Variants in GJC1 observed in about 807,000 individuals in gnomAD.
GJC1 encodes the protein gap junction protein gamma 1, also known as gap junction gamma-1 protein.
Under a neutral mutation model 29.3 loss-of-function variants are expected in GJC1, and 5 were observed. That is an observed-to-expected ratio of 0.17 (90% CI 0.09 to 0.36). The LOEUF is 0.36. Among genes scored for constraint, GJC1 ranks in the 10% least tolerant of loss-of-function variants. The pLI is 1.00. For missense variants in GJC1, 310 were observed against 496.2 expected (o/e 0.62, Z 3.56); for synonymous variants, 177 against 183.3 (o/e 0.97, Z 0.28).
chr17:44,804,464 C>T lies in GJC1; in HGVS notation c.*163G>A. 1 of 602,346 alleles carries T rather than the reference C, an allele frequency of 1.7e-6. No homozygotes were observed. Among genetic ancestry groups the T allele is most frequent in the Non-Finnish European group, 2.9e-6 (1 of 340,022 alleles). The allele number at this position is 602,346 out of a possible 1,614,324, so 37.3% of individuals were successfully genotyped here. A position where few individuals can be genotyped will look rare whatever the true frequency, so the allele number is the denominator to read the frequency against. ...GGGAACACTGTGTTTCCCTTTCTCT[C>T]CCTCAGCCCAGCCCCGCCTCCAGAG... is the stretch of plus-strand genomic sequence containing the variant. On this transcript the variant is annotated 3_prime_UTR_variant, in exon 3 of 3. Transcript: ENST00000592524.
At chr17:44,820,071 C>A (rs975345201) in intron 1 of GJC1, among the ~76,000 whole-genome samples, 2 of 152,068 alleles carry the variant, frequency 1.3e-5, no homozygotes, top group African/African-American at 4.8e-5. Context: ...ATTGCTCTAT[C>A]ATATGGTAAT....
At chr17:44,812,590 C>T (rs2049996626) in intron 1 of GJC1, among the ~76,000 whole-genome samples, 1 of 151,790 alleles carries the variant, frequency 6.6e-6, no homozygotes, top group African/African-American at 2.4e-5. Flanking sequence ...TAGTCTTTAT[C>T]TAAATGAATA....
At chr17:44,796,726 T>C (rs1162501667), downstream of GJC1, among the ~76,000 whole-genome samples, 1 of 150,058 alleles carries the variant, frequency 6.7e-6, no homozygotes, top group African/African-American at 2.4e-5. Flanking sequence ...AAATTATATC[T>C]TAATAAAAGA....
Position 44,802,440 on chromosome 17 carries a change from A to C in GJC1, c.*2187T>G, listed in dbSNP as rs1174181524. On this transcript the variant is annotated 3_prime_UTR_variant, in exon 3 of 3. Transcript: ENST00000592524. ...TAACTGGTAGTTCTTTATCTTAGCT[A>C]GGCTTATGTATTCCAAATTTTGCCT... 6.6e-6 allele frequency: 1 copy of C among 152,222 alleles called. No individual in the cohort carries two copies. Among genetic ancestry groups the C allele is most frequent in the African/African-American group, 2.4e-5 (1 of 41,462 alleles). 9.4% of individuals were successfully genotyped at this position (152,222 alleles called of 1,614,324 possible). A position where few individuals can be genotyped will look rare whatever the true frequency, so the allele number is the denominator to read the frequency against.
chr17:44,796,854 G>C (rs2049786678), downstream of GJC1, among the ~76,000 whole-genome samples: 2 of 151,796 alleles, frequency 1.3e-5, no homozygotes, highest in South Asian at 2.1e-4. Flanking sequence ...TATATAGAGA[G>C]ACAGACAGAC....
rs1250942614 is a variant in GJC1, at chr17:44,801,696, T to G, written c.*2931A>C. ...TCAGCTCACTGCAACCTCTGCCTCC[T>G]GGGTTCAAGCAATTCTCCTGCCTCA... On this transcript the variant is annotated 3_prime_UTR_variant, in exon 3 of 3. Coordinates refer to ENST00000592524, the MANE Select transcript of GJC1 (RefSeq NM_005497.4). 2 of 151,938 alleles carry G rather than the reference T, an allele frequency of 1.3e-5. No individual in the cohort carries two copies. Among genetic ancestry groups the G allele is most frequent in the Admixed American group, 6.6e-5 (1 of 15,210 alleles). The allele number at this position is 151,938 out of a possible 1,614,324, so 9.4% of individuals were successfully genotyped here.
At chr17:44,814,779 C>T (rs2050023601) in intron 1 of GJC1, among the ~76,000 whole-genome samples, 1 of 152,040 alleles carries the variant, frequency 6.6e-6, no homozygotes, top group South Asian at 2.1e-4. Context: ...CCCATCTCTA[C>T]TAAAAATACA....
downstream of GJC1, chr17:44,795,123 G>A (rs1006403439): frequency 1.3e-5 from 2 of 152,240 alleles, no homozygotes; most frequent in African/African-American, 4.8e-5. Context: ...CTGTAGGAAG[G>A]AGAAATATCT....
intron 1 of GJC1, among the ~76,000 whole-genome samples, chr17:44,822,355 C>T (rs1322789650): frequency 2.0e-5 from 3 of 150,894 alleles, no homozygotes; most frequent in Non-Finnish European, 4.4e-5. Flanking sequence ...CTAAAATATT[C>T]TAAAATTAGG....
chr17:44,803,434 C>T lies in GJC1; in HGVS notation c.*1193G>A, dbSNP rs1179303783. ...ACATTATGCCTACAAAGAATAAATA[C>T]TGCACTTCTCTTTAGGTCTATTTAC... On this transcript the variant is annotated 3_prime_UTR_variant, in exon 3 of 3. Coordinates refer to ENST00000592524, the MANE Select transcript of GJC1 (RefSeq NM_005497.4). The T allele has an allele frequency of 6.6e-6, 1 of 152,216 alleles. No homozygotes were observed. The highest frequency in any genetic ancestry group is 1.5e-5 in the Non-Finnish European group (1 of 68,034). The allele number at this position is 152,216 out of a possible 1,614,324, so 9.4% of individuals were successfully genotyped here.
In GJC1 at chr17:44,800,937, A is replaced by AC. The variant is rs1488894301; in HGVS notation, c.*3689_*3690insG. The AC allele has an allele frequency of 6.6e-6, 1 of 151,900 alleles. No homozygotes were observed. The highest frequency in any genetic ancestry group is 1.9e-4 in the East Asian group (1 of 5,194). The allele number at this position is 151,900 out of a possible 1,614,324, so 9.4% of individuals were successfully genotyped here. On this transcript the variant is annotated 3_prime_UTR_variant, in exon 3 of 3. Transcript: ENST00000592524. ...TTTCCCCTCGTTTGAATTAACCAAA[A>AC]AAAAAAAAAAAGCCTATTTCTTTTA...
chr17:44,816,022 A>C (rs565608495), intron 1 of GJC1, among the ~76,000 whole-genome samples: 1 of 145,512 alleles, frequency 6.9e-6, no homozygotes, highest in South Asian at 2.3e-4. Context: ...CTGAGGCAGG[A>C]GAATGGTGTG....
downstream of GJC1, among the ~76,000 whole-genome samples, chr17:44,795,765 C>T (rs558892414): frequency 6.6e-6 from 1 of 152,336 alleles, no homozygotes; most frequent in South Asian, 2.1e-4. Flanking sequence ...TTTAGTTTTG[C>T]TCTTTTAGTT....
intron 1 of GJC1, among the ~76,000 whole-genome samples, chr17:44,815,809 TAA>T (rs1185476218): frequency 6.6e-6 from 1 of 152,086 alleles, no homozygotes; most frequent in Non-Finnish European, 1.5e-5. Context: ...ATCAATTCTT[TAA>T]AAAATTAAAA....
At chr17:44,818,402 A>C (rs1020929828) in intron 1 of GJC1, among the ~76,000 whole-genome samples, 7 of 152,114 alleles carry the variant, frequency 4.6e-5, no homozygotes, top group Admixed American at 2.0e-4. Context: ...TTATTTAAGG[A>C]GGACAATTTA....
intron 1 of GJC1, among the ~76,000 whole-genome samples, chr17:44,821,605 G>A (rs2050106190): frequency 6.8e-6 from 1 of 146,694 alleles, no homozygotes; most frequent in African/African-American, 2.5e-5. Flanking sequence ...GCTGATGCAG[G>A]AGAATCACTT....
chr17:44,825,779 GA>G (rs34179777), intron 1 of GJC1, among the ~76,000 whole-genome samples: 55,433 of 129,726 alleles, frequency 0.43, 10,364 homozygotes, highest in Admixed American at 0.51. Flanking sequence ...AGTCTCAAAA[GA>G]AAAAAAAAAA....
chr17:44,818,408 A>G (rs939029042), intron 1 of GJC1, among the ~76,000 whole-genome samples: 4 of 152,040 alleles, frequency 2.6e-5, no homozygotes, highest in Non-Finnish European at 4.4e-5. Context: ...AAGGAGGACA[A>G]TTTATTTGGG....
upstream of GJC1, chr17:44,830,552 C>T (rs1597769066): frequency 2.3e-5 from 9 of 398,142 alleles, no homozygotes; most frequent in East Asian, 3.2e-4. This position sits in a 1 kb window ranked among gnomAD's most constrained non-coding sequence, Gnocchi z 4.3. Context: ...GTTCATTCTT[C>T]CAAGCTGATT....
Sources: gnomAD v4.1 joint callset for allele counts (sites outside exome capture counted in the v4.1 genomes callset) on GRCh38, gnomAD v4.1.1 for gene constraint, Gnocchi (gnomAD v3.1) non-coding constraint, MANE v1.5 for transcripts, NCBI Gene and HGNC (gene_info 2026-07-23, HGNC 2026-07-21) for gene names.